The following SLC33A1 variants were observed in gnomAD, a reference collection of about 807,000 sequenced individuals.
SLC33A1 encodes the protein solute carrier family 33 member 1.
Under a neutral mutation model 50.0 loss-of-function variants are expected in SLC33A1, and 20 were observed. That is an observed-to-expected ratio of 0.40 (90% CI 0.28 to 0.58). The LOEUF (loss-of-function observed/expected upper bound fraction) is 0.58. Ranked by LOEUF, SLC33A1 falls within the 20% of genes least tolerant of loss-of-function variation. The pLI is 0.44. For missense variants in SLC33A1, 476 were observed against 657.0 expected (o/e 0.72, Z 3.01); for synonymous variants, 265 against 251.8 (o/e 1.05, Z -0.50).
In SLC33A1 at chr3:155,833,876, A is replaced by G. The variant is rs1401070407; in HGVS notation, c.1129T>C (p.Tyr377His). ...TTTTACCTGTAGGGCATGGCTTTGT[A>G]AAATGTGTTTAATGGCTGGGGACCT... ...TAGPQPLNTF[Y>H]KAMPYRLLLG... The change falls in exon 3 of 6, where the codon TAC becomes CAC. Residue 377 changes from tyrosine to histidine, a missense_variant. By Grantham distance (83) the Tyr-to-His change is moderately conservative. Coordinates refer to ENST00000643144, the MANE Select transcript of SLC33A1 (RefSeq NM_004733.4). 7 of 1,613,632 alleles carry G rather than the reference A, an allele frequency of 4.3e-6. No homozygotes were observed. The African/African-American group carries it at 8.0e-5, about 18-fold the overall frequency.
At chr3:155,836,048 G>C (rs1249310714) in intron 2 of SLC33A1, among the ~76,000 whole-genome samples, 1 of 151,458 alleles carries the variant, frequency 6.6e-6, no homozygotes, top group Admixed American at 6.6e-5. Context: ...ACTTTGGGAG[G>C]CCAAGGTGGG....
At chr3:155,838,200 G>A (rs1752773539) in intron 2 of SLC33A1, among the ~76,000 whole-genome samples, 1 of 151,868 alleles carries the variant, frequency 6.6e-6, no homozygotes, top group South Asian at 2.1e-4. Context: ...CTACTTGGGA[G>A]GCTGAGGCAG....
intron 1 of SLC33A1, among the ~76,000 whole-genome samples, chr3:155,849,728 C>T (rs867290739): frequency 1.8e-4 from 27 of 151,318 alleles, no homozygotes; most frequent in Admixed American, 4.6e-4. Flanking sequence ...GCCAACATGG[C>T]GAAACCCCAT....
intron 2 of SLC33A1, among the ~76,000 whole-genome samples, chr3:155,839,373 CAAAAAAA>C (rs1198585213): frequency 1.6e-4 from 3 of 18,298 alleles, no homozygotes; most frequent in African/African-American, 2.0e-4. Context: ...GACTCTGTCT[CAAAAAAA>C]AAAAAAAAAA....
intron 1 of SLC33A1, among the ~76,000 whole-genome samples, chr3:155,850,762 G>A (rs1472944185): frequency 1.3e-5 from 2 of 151,330 alleles, no homozygotes; most frequent in African/African-American, 4.8e-5. Flanking sequence ...GATTACAAGT[G>A]AATGCCACCA....
chr3:155,842,965 C>A (rs1752988213), intron 1 of SLC33A1: 1 of 150,736 alleles, frequency 6.6e-6, no homozygotes, highest in South Asian at 2.0e-4. Flanking sequence ...TGTACCACTG[C>A]ACTCTGGCAT....
At position 155,827,714 on chromosome 3, in the gene SLC33A1, A is replaced by T. The variant is rs1752243415; in HGVS notation, c.*496T>A. ...GTAGTCTATATTCTTTTCTCAGCAA[A>T]TTCCACATAAAATTTAACTAATTTA... On this transcript the variant is annotated 3_prime_UTR_variant, in exon 6 of 6. Transcript: ENST00000643144. 1 of 154,312 alleles carries T rather than the reference A, an allele frequency of 6.5e-6. No homozygotes were observed. The highest frequency in any genetic ancestry group is 2.4e-5 in the African/African-American group (1 of 41,470). 9.6% of individuals were successfully genotyped at this position (154,312 alleles called of 1,614,324 possible). A position where few individuals can be genotyped will look rare whatever the true frequency, so the allele number is the denominator to read the frequency against.
chr3:155,836,073 A>T (rs1752646449), intron 2 of SLC33A1, among the ~76,000 whole-genome samples: 1 of 151,502 alleles, frequency 6.6e-6, no homozygotes, highest in Non-Finnish European at 1.5e-5. Flanking sequence ...TCACGAGGTC[A>T]GGAGATTTGA....
Position 155,842,613 on chromosome 3 carries a change from A to C in SLC33A1, c.782T>G (p.Leu261Arg). 6.5e-7 allele frequency: 1 copy of C among 1,526,812 alleles called. No homozygotes were observed. Among genetic ancestry groups the C allele is most frequent in the Non-Finnish European group, 8.9e-7 (1 of 1,124,620 alleles). The allele number at this position is 1,526,812 out of a possible 1,614,324, so 94.6% of individuals were successfully genotyped here. Residue 261 changes from leucine to arginine, a missense_variant, in exon 2 of 6, where the codon CTT (leucine) becomes CGT (arginine). By Grantham distance (102) the Leu-to-Arg change is moderately radical (BLOSUM62 -2). Transcript: ENST00000643144. ...TAAAAATACAGTTCCCCAGAAAAAA[A>C]GGAAATCTGAAAATGTTTTAAATCT... ...PRGIVTLSDF[L>R]FFWGTVFLIT... is the part of the protein sequence containing the mutation.
At chr3:155,839,479 A>G (rs1752840818) in intron 2 of SLC33A1, among the ~76,000 whole-genome samples, 1 of 151,734 alleles carries the variant, frequency 6.6e-6, no homozygotes, top group African/African-American at 2.4e-5. Flanking sequence ...ATTTAAAAAC[A>G]TAAGCAAAAT....
rs1752232742 is a variant in SLC33A1 at position 155,827,373 on chromosome 3, AACAT to A, written c.*833_*836del. On this transcript the variant is annotated 3_prime_UTR_variant, in exon 6 of 6. Transcript: ENST00000643144. ...TTTTTATTTTCAAAATGTTGCCATA[AACAT>A]ACATACAACACTGAATTTGATCCCC... The A allele has an allele frequency of 6.6e-6, 1 of 152,150 alleles. No individual in the cohort carries two copies. The highest frequency in any genetic ancestry group is 6.5e-5 in the Admixed American group (1 of 15,272). The allele number at this position is 152,150 out of a possible 1,614,324, so 9.4% of individuals were successfully genotyped here. A position where few individuals can be genotyped will look rare whatever the true frequency, so the allele number is the denominator to read the frequency against.
Position 155,827,182 on chromosome 3 carries a change from C to T in SLC33A1, c.*1028G>A, listed in dbSNP as rs1348338536. Reference sequence around the variant, plus strand: ...TGCTTAATTAAGAAACATTTTTCCACTATTAGATTTAATTTGTCAAAGGCA... The same window carrying T: ...TGCTTAATTAAGAAACATTTTTCCATTATTAGATTTAATTTGTCAAAGGCA... On this transcript the variant is annotated 3_prime_UTR_variant, in exon 6 of 6. Coordinates refer to ENST00000643144, the MANE Select transcript of SLC33A1 (RefSeq NM_004733.4). 2 of 152,288 alleles carry T rather than the reference C, an allele frequency of 1.3e-5. No homozygotes were observed. The highest frequency in any genetic ancestry group is 3.9e-4 in the East Asian group (2 of 5,194). The allele number at this position is 152,288 out of a possible 1,614,324, so 9.4% of individuals were successfully genotyped here.
chr3:155,846,850 C>A (rs918067829), intron 1 of SLC33A1, among the ~76,000 whole-genome samples: 9 of 152,108 alleles, frequency 5.9e-5, no homozygotes, highest in African/African-American at 2.2e-4. Context: ...ACAGGATAAA[C>A]AAACTTGGTG....
At position 155,840,299 on chromosome 3, in the gene SLC33A1, G is replaced by C. The variant is rs1450550677; in HGVS notation, c.963+2133C>G. ...GACGGGGTTTCACCATGTTGGCCAG[G>C]CTGGTCTCGAACTCCTGGCCTCAAG... On this transcript the variant is annotated intron_variant, in intron 2 of 5. Coordinates refer to ENST00000643144, the MANE Select transcript of SLC33A1 (RefSeq NM_004733.4). 2.0e-5 allele frequency among the ~76,000 whole-genome samples: 3 copies of C among 151,818 alleles called. No homozygotes were observed. In the East Asian group the frequency reaches 6.0e-4, roughly 30 times the overall value.
At position 155,853,734 on chromosome 3, in the gene SLC33A1, G is replaced by A. The variant is rs1180309378; in HGVS notation, c.264C>T (p.Pro88=). ...LLFLYVLQGI[P]LGLAGSIPLI... is the part of the protein sequence containing the mutation. ...GTGGGATGCTTCCCGCCAAGCCCAG[G>A]GGAATACCCTGAAGCACGTAAAGAA... Residue 88 remains proline, a synonymous_variant, in exon 1 of 6, where the codon CCC becomes CCT. Transcript: ENST00000643144. 6.2e-7 allele frequency: 1 copy of A among 1,613,966 alleles called. No individual in the cohort carries two copies. The highest frequency in any genetic ancestry group is 2.2e-5 in the East Asian group (1 of 44,892).
chr3:155,853,970 T>C lies in SLC33A1; in HGVS notation c.28A>G (p.Ser10Gly). Residue 10 changes from serine to glycine, a missense_variant, in exon 1 of 6, where the codon AGC becomes GGC. Physicochemically the swap from Ser to Gly is moderately conservative, Grantham distance 56 (BLOSUM62 0). Coordinates refer to ENST00000643144, the MANE Select transcript of SLC33A1 (RefSeq NM_004733.4). MSPTISHKD[S>G]SRQRRPGNFS... ...TTCCCTGGCCGCCGTTGCCGGCTGC[T>C]GTCCTTGTGGGAGATGGTGGGTGAC... 1 of 1,544,662 alleles carries C rather than the reference T, an allele frequency of 6.5e-7. No homozygotes were observed. The highest frequency in any genetic ancestry group is 8.7e-7 in the Non-Finnish European group (1 of 1,151,170).
At chr3:155,842,349 T>C in intron 2 of SLC33A1, 83 bp downstream of exon 2, 2 of 789,168 alleles carry the variant, frequency 2.5e-6, no homozygotes, top group South Asian at 3.2e-5. Flanking sequence ...GAAAGGGACC[T>C]GTGATATGAA....
chr3:155,837,553 C>A (rs1193942249), intron 2 of SLC33A1, among the ~76,000 whole-genome samples: 1 of 152,206 alleles, frequency 6.6e-6, no homozygotes, highest in East Asian at 1.9e-4. Context: ...GAGAAATGTG[C>A]ACCTATCTTC....
At chr3:155,837,559 T>A (rs535376438) in intron 2 of SLC33A1, among the ~76,000 whole-genome samples, 1 of 152,252 alleles carries the variant, frequency 6.6e-6, no homozygotes, top group East Asian at 1.9e-4. Flanking sequence ...TGTGCACCTA[T>A]CTTCACCAAA....
Sources: gnomAD v4.1 joint callset for allele counts (sites outside exome capture counted in the v4.1 genomes callset) on GRCh38, gnomAD v4.1.1 for gene constraint, MANE v1.5 for transcripts, NCBI Gene and HGNC (gene_info 2026-07-23, HGNC 2026-07-21) for gene names.